The following TENM4 variants were observed in gnomAD, a reference collection of about 807,000 sequenced individuals.
TENM4 encodes the protein teneurin-4.
TENM4 carries 82 observed loss-of-function variants against 243.3 expected under a neutral mutation model. The observed-to-expected ratio is 0.34, with a 90% CI of 0.28 to 0.40. The LOEUF is 0.40. Among genes scored for constraint, TENM4 ranks in the 10% least tolerant of loss-of-function variants. TENM4 has a pLI of 1.00. For synonymous variants in TENM4, 1,412 were observed against 1,456.3 expected, an observed-to-expected ratio of 0.97 and a Z score of 0.69; for missense variants, 3,138 against 3,673.3, an observed-to-expected ratio of 0.85 and a Z score of 3.77.
chr11:78,653,765 C>A lies in TENM4; in HGVS notation c.*4293G>T, dbSNP rs1857827252. The A allele has an allele frequency of 6.6e-6, 1 of 152,246 alleles. No individual in the cohort carries two copies. The highest frequency in any genetic ancestry group is 1.5e-5 in the Non-Finnish European group (1 of 68,054). The allele number at this position is 152,246 out of a possible 1,614,324, so 9.4% of individuals were successfully genotyped here. The stretch of plus-strand genomic sequence containing the variant: ...CACATTTTCTTGGGGACCAGGAGGT[C>A]ACCTAGTACCTTGCCTTTGGCATTC... On this transcript the variant is annotated 3_prime_UTR_variant, in exon 34 of 34. Transcript: ENST00000278550.
chr11:79,061,173 G>A (rs1283311952), intron 6 of TENM4, among the ~76,000 whole-genome samples: 2 of 152,146 alleles, frequency 1.3e-5, no homozygotes, highest in Non-Finnish European at 2.9e-5. Flanking sequence ...TAGTGTAAGA[G>A]GAACCTGAAC....
At chr11:78,920,608 G>A (rs562722839) in intron 6 of TENM4, among the ~76,000 whole-genome samples, 3 of 151,766 alleles carry the variant, frequency 2.0e-5, no homozygotes, top group South Asian at 2.1e-4. Flanking sequence ...TTTTCTCCCC[G>A]AGGATGAACT....
intron 6 of TENM4, among the ~76,000 whole-genome samples, chr11:78,991,670 G>A (rs376477726): frequency 6.6e-6 from 1 of 152,318 alleles, no homozygotes; most frequent in East Asian, 1.9e-4. Flanking sequence ...TCCCCATGTG[G>A]CCTCTCTCAC....
chr11:78,825,573 A>G (rs1236620967), intron 12 of TENM4, among the ~76,000 whole-genome samples: 1 of 152,178 alleles, frequency 6.6e-6, no homozygotes, highest in Non-Finnish European at 1.5e-5. Flanking sequence ...GTCTGTAAAA[A>G]ACAAGCCAGA....
intron 6 of TENM4, among the ~76,000 whole-genome samples, chr11:78,914,122 T>C (rs991255606): frequency 7.2e-5 from 11 of 152,346 alleles, no homozygotes; most frequent in Admixed American, 6.5e-4. Flanking sequence ...GGAAGAACTA[T>C]TCCCAGCCTT....
intron 6 of TENM4, among the ~76,000 whole-genome samples, chr11:79,020,941 C>T (rs1406595492): frequency 6.6e-6 from 1 of 152,134 alleles, no homozygotes; most frequent in East Asian, 1.9e-4. Context: ...CCCACAGTAC[C>T]CTCTGCAGCT....
At chr11:79,126,650 A>C (rs983949322) in intron 4 of TENM4, among the ~76,000 whole-genome samples, 4 of 152,206 alleles carry the variant, frequency 2.6e-5, no homozygotes, top group Non-Finnish European at 5.9e-5. Context: ...GAAAAATTCT[A>C]GGTCGAATGG....
At chr11:79,387,184 T>C (rs907053394) in intron 1 of TENM4, among the ~76,000 whole-genome samples, 1 of 152,216 alleles carries the variant, frequency 6.6e-6, no homozygotes, top group Non-Finnish European at 1.5e-5. Context: ...ATACATTAAA[T>C]TATAAAATGG....
At chr11:79,359,368 C>T (rs923528165) in intron 1 of TENM4, among the ~76,000 whole-genome samples, 1 of 152,206 alleles carries the variant, frequency 6.6e-6, no homozygotes, top group African/African-American at 2.4e-5. Flanking sequence ...TACACATCAT[C>T]CAGATTTTGT....
At chr11:79,046,404 C>T (rs561121467) in intron 6 of TENM4, among the ~76,000 whole-genome samples, 1 of 151,990 alleles carries the variant, frequency 6.6e-6, no homozygotes, top group African/African-American at 2.4e-5. Context: ...TAGTGCCTGG[C>T]AACTAATGGG....
chr11:79,337,373 C>G (rs930348017), intron 1 of TENM4, among the ~76,000 whole-genome samples: 4 of 152,170 alleles, frequency 2.6e-5, no homozygotes, highest in East Asian at 1.9e-4. Context: ...CGTGCCTCAC[C>G]GTGATCACAG....
chr11:79,018,161 T>C (rs73504620), intron 6 of TENM4, among the ~76,000 whole-genome samples: 6,935 of 152,258 alleles, frequency 0.046, 540 homozygotes, highest in African/African-American at 0.16. Context: ...AGATGTTTGT[T>C]ACCCTGGAAC....
intron 6 of TENM4, among the ~76,000 whole-genome samples, chr11:78,917,788 C>T (rs1378317665): frequency 1.3e-5 from 2 of 152,154 alleles, no homozygotes; most frequent in East Asian, 3.9e-4. Context: ...GAACGTAATA[C>T]AGTATGGTAG....
At chr11:78,871,234 C>A (rs374895623) in intron 9 of TENM4, among the ~76,000 whole-genome samples, 40 of 152,264 alleles carry the variant, frequency 2.6e-4, no homozygotes, top group African/African-American at 9.1e-4. Context: ...ATCTATAAGA[C>A]GGTGATAATA....
chr11:78,987,900 A>G (rs1857954865), intron 6 of TENM4, among the ~76,000 whole-genome samples: 1 of 152,134 alleles, frequency 6.6e-6, no homozygotes, highest in Non-Finnish European at 1.5e-5. Context: ...ATTCACCCAC[A>G]CAGGGCCAGG....
chr11:79,127,965 A>G (rs910090643), intron 4 of TENM4, among the ~76,000 whole-genome samples: 2 of 152,142 alleles, frequency 1.3e-5, no homozygotes, highest in Non-Finnish European at 2.9e-5. Context: ...TGGAGGCAAG[A>G]CATTCCTCAT....
At chr11:79,291,276 A>G (rs150827921) in intron 2 of TENM4, among the ~76,000 whole-genome samples, 55 of 152,330 alleles carry the variant, frequency 3.6e-4, no homozygotes, top group Middle Eastern at 3.4e-3. Context: ...AAGGTTGATC[A>G]CTGGTATGAT....
intron 2 of TENM4, among the ~76,000 whole-genome samples, chr11:79,225,321 A>G (rs1429769607): frequency 1.3e-5 from 2 of 152,210 alleles, no homozygotes; most frequent in African/African-American, 4.8e-5. Flanking sequence ...AAATCTAAAC[A>G]GAATTAGAGT....
intron 31 of TENM4, among the ~76,000 whole-genome samples, chr11:78,670,949 C>A (rs1196565185): frequency 6.6e-6 from 1 of 152,184 alleles, no homozygotes; most frequent in Non-Finnish European, 1.5e-5. Flanking sequence ...AAGCTTTGGC[C>A]TGAAGTATGT....
Sources: allele counts gnomAD v4.1 joint callset (sites outside exome capture counted in the v4.1 genomes callset), GRCh38; gene constraint gnomAD v4.1.1; transcripts MANE v1.5; gene names NCBI Gene and HGNC (gene_info 2026-07-23, HGNC 2026-07-21).